The following PCDH11X variants were observed in gnomAD, a reference collection of about 807,000 sequenced individuals.
PCDH11X encodes the protein protocadherin 11 X-linked, also known as protocadherin-11 X-linked.
Under a neutral mutation model 53.3 loss-of-function variants are expected in PCDH11X, and 18 were observed. The ratio of observed to expected loss-of-function variants is 0.34; its 90% CI spans 0.23 to 0.50. The LOEUF (loss-of-function observed/expected upper bound fraction) is 0.50. Ranked by LOEUF, PCDH11X falls within the 20% of genes least tolerant of loss-of-function variation. PCDH11X has a pLI of 0.98. For synonymous variants in PCDH11X, 279 were observed against 393.3 expected, an observed-to-expected ratio of 0.71 and a Z score of 3.44; for missense variants, 570 against 1,032.4, an observed-to-expected ratio of 0.55 and a Z score of 6.14.
At chrX:92,392,272 T>C (rs1475059184) in intron 9 of PCDH11X, among the ~76,000 whole-genome samples, 2 of 111,495 alleles carry the variant, frequency 1.8e-5, no homozygotes, top group African/African-American at 3.2e-5. Flanking sequence ...TAAAAAATTA[T>C]ATGTTTAAAA....
intron 6 of PCDH11X, among the ~76,000 whole-genome samples, chrX:92,023,017 A>G (rs965196765): frequency 1.1e-4 from 12 of 111,036 alleles, no homozygotes; most frequent in Non-Finnish European, 1.7e-4. Flanking sequence ...CAGCTAAAGC[A>G]GTGTTAAGAG....
chrX:91,943,246 C>A (rs1262402456), intron 6 of PCDH11X, among the ~76,000 whole-genome samples: 1 of 101,990 alleles, frequency 9.8e-6, no homozygotes, highest in Admixed American at 1.1e-4. Context: ...AACCCAAATG[C>A]AAACTATGAA....
chrX:92,013,366 C>A (rs1336156000), intron 6 of PCDH11X, among the ~76,000 whole-genome samples: 2 of 111,257 alleles, frequency 1.8e-5, no homozygotes, highest in African/African-American at 3.3e-5. Flanking sequence ...CAAACCACTG[C>A]TCAATGAAAT....
chrX:92,419,993 T>TTTCTTTTGAA (rs1414277467), intron 9 of PCDH11X, among the ~76,000 whole-genome samples: 7 of 111,235 alleles, frequency 6.3e-5, no homozygotes, highest in Non-Finnish European at 1.1e-4. Context: ...CTCTCCCCCT[T>TTTCTTTTGAA]TTCTTTTGAA....
intron 6 of PCDH11X, among the ~76,000 whole-genome samples, chrX:92,072,000 A>C: frequency 9.0e-6 from 1 of 110,684 alleles, no homozygotes; most frequent in East Asian, 2.9e-4. Context: ...TTGCCCTCAA[A>C]CCACAATACA....
intron 6 of PCDH11X, among the ~76,000 whole-genome samples, chrX:92,016,669 C>G (rs1451725673): frequency 9.1e-6 from 1 of 109,525 alleles, no homozygotes; most frequent in African/African-American, 3.3e-5. Context: ...CTGGATTAAG[C>G]TTTGGCTGAA....
At chrX:92,189,376 A>G (rs1453265792) in intron 6 of PCDH11X, among the ~76,000 whole-genome samples, 1 of 111,715 alleles carries the variant, frequency 9.0e-6, no homozygotes, top group East Asian at 2.8e-4. Context: ...ATGTCCTTGC[A>G]AAGGACGTGA....
chrX:92,261,153 T>C (rs748330675), intron 7 of PCDH11X, among the ~76,000 whole-genome samples: 30 of 111,143 alleles, frequency 2.7e-4, no homozygotes, highest in Admixed American at 6.7e-4. Context: ...ATTTCTGTAC[T>C]TTCTTTTTAT....
chrX:92,037,135 G>C (rs1007068442), intron 6 of PCDH11X, among the ~76,000 whole-genome samples: 1 of 111,250 alleles, frequency 9.0e-6, no homozygotes, highest in Non-Finnish European at 1.9e-5. Flanking sequence ...GTGGTTTGCT[G>C]CACCTATCTA....
chrX:91,871,716 A>T lies in PCDH11X; in HGVS notation c.541-5065A>T, dbSNP rs192718910. On this transcript the variant is annotated intron_variant, in intron 5 of 10. Transcript: ENST00000682573. ...TTTATCAATTTTTTAAAAGAAAAAA[A>T]AAACTTCTCTTGCAAATTTCACATC... Among the ~76,000 whole-genome samples the T allele has an allele frequency of 4.1e-3, 460 of 111,561 alleles. 4 individuals carry two copies. Among genetic ancestry groups the T allele is most frequent in the African/African-American group, 0.014 (447 of 30,887 alleles).
chrX:91,880,343 G>T (rs1364959573), intron 6 of PCDH11X, among the ~76,000 whole-genome samples: 1 of 110,970 alleles, frequency 9.0e-6, no homozygotes, highest in Non-Finnish European at 1.9e-5. Context: ...TAGTTTCAGG[G>T]AATAAAGTCT....
chrX:92,327,650 T>C (rs2069369203), intron 8 of PCDH11X, among the ~76,000 whole-genome samples: 1 of 109,391 alleles, frequency 9.1e-6, no homozygotes, highest in Non-Finnish European at 1.9e-5. Context: ...AAGAGATCTC[T>C]AACTGTCCAT....
At chrX:91,956,631 C>T (rs1211465434) in intron 6 of PCDH11X, among the ~76,000 whole-genome samples, 1 of 109,314 alleles carries the variant, frequency 9.1e-6, no homozygotes, top group Non-Finnish European at 1.9e-5. Context: ...TGCTGTTAGT[C>T]TGATGGGTTT....
At chrX:92,257,679 G>T (rs2067624354) in intron 7 of PCDH11X, among the ~76,000 whole-genome samples, 1 of 112,572 alleles carries the variant, frequency 8.9e-6, no homozygotes, top group African/African-American at 3.2e-5. Flanking sequence ...AAATTTTAAA[G>T]CTCCAAAATA....
chrX:92,403,373 T>A (rs2071439840), intron 9 of PCDH11X, among the ~76,000 whole-genome samples: 1 of 88,703 alleles, frequency 1.1e-5, no homozygotes, highest in African/African-American at 4.5e-5. Context: ...AGAATGTGAA[T>A]CTGCAAGTCA....
intron 7 of PCDH11X, among the ~76,000 whole-genome samples, chrX:92,228,505 C>T (rs2067010256): frequency 1.8e-5 from 2 of 111,108 alleles, no homozygotes; most frequent in Non-Finnish European, 3.8e-5. Flanking sequence ...GTGCTTTAAA[C>T]GTATGGGCTT....
intron 6 of PCDH11X, among the ~76,000 whole-genome samples, chrX:91,903,952 G>T (rs1188041238): frequency 2.7e-5 from 3 of 109,403 alleles, no homozygotes; most frequent in Non-Finnish European, 5.7e-5. Context: ...AAAATTGAAG[G>T]CAGTTGACTA....
chrX:91,805,138 C>T (rs903195449), intron 1 of PCDH11X, among the ~76,000 whole-genome samples: 17 of 106,432 alleles, frequency 1.6e-4, no homozygotes, highest in Admixed American at 3.1e-4. Flanking sequence ...ATTCTATTCA[C>T]GTGATCTATT....
chrX:92,213,034 T>C (rs2066621240), intron 7 of PCDH11X, among the ~76,000 whole-genome samples: 1 of 112,271 alleles, frequency 8.9e-6, no homozygotes, highest in Non-Finnish European at 1.9e-5. Flanking sequence ...TTTTGAGAGA[T>C]ATTTTCATCT....
Sources: allele counts gnomAD v4.1 joint callset (sites outside exome capture counted in the v4.1 genomes callset), GRCh38; gene constraint gnomAD v4.1.1; transcripts MANE v1.5; gene names NCBI Gene and HGNC (gene_info 2026-07-23, HGNC 2026-07-21).